MED6: variants seen among roughly 807,000 people sequenced by gnomAD.
MED6 encodes mediator complex subunit 6.
MED6 carries 33 observed loss-of-function variants against 37.5 expected under a neutral mutation model. The observed-to-expected ratio is 0.88, with a 90% CI of 0.67 to 1.18. The LOEUF is 1.18. Among genes scored for constraint, MED6 ranks in the 50% most tolerant of loss-of-function variants. The pLI is 0.00. For synonymous variants in MED6, 94 were observed against 93.6 expected (o/e 1.00, Z -0.02); for missense variants, 235 against 290.6 (o/e 0.81, Z 1.39).
chr14:70,595,721 C>T (rs1197501705), intron 3 of MED6: 1 of 739,490 alleles, frequency 1.4e-6, no homozygotes, highest in South Asian at 1.4e-5. Context: ...TTGGTGACGC[C>T]CTGGACAGCA....
At chr14:70,594,832 A>C (rs7156661) in intron 3 of MED6, 1 of 638,316 alleles carries the variant, frequency 1.6e-6, no homozygotes, top group South Asian at 1.4e-5. Flanking sequence ...TCAATGCCTG[A>C]CCTCCTACCT....
rs1884660033 is a variant in MED6 at position 70,584,930 on chromosome 14, CTTTG to C, written c.620_623del (p.Thr207ArgfsTer11). ...TTTCTGGTATAGGTTCTGCCTCTTT[CTTTG>C]TTTGATCCACTAGATATCAAAAGTA... On this transcript the variant is annotated frameshift_variant, in exon 8 of 8. Transcript: ENST00000256379. LOFTEE classifies it high-confidence loss of function. The C allele has an allele frequency of 3.1e-6, 5 of 1,613,678 alleles. No homozygotes were observed. Among genetic ancestry groups the C allele is most frequent in the Non-Finnish European group, 3.4e-6 (4 of 1,179,874 alleles).
At chr14:70,586,081 C>T (rs17108245) in intron 6 of MED6, among the ~76,000 whole-genome samples, 10,877 of 152,188 alleles carry the variant, frequency 0.071, 743 homozygotes, top group African/African-American at 0.19. Context: ...CACACCCAGG[C>T]TACAATGCTT....
chr14:70,585,539 T>C (rs1188258581), intron 7 of MED6, among the ~76,000 whole-genome samples: 1 of 149,084 alleles, frequency 6.7e-6, no homozygotes, highest in Non-Finnish European at 1.5e-5. Context: ...GTAAACTTCC[T>C]TAAAACATTA....
Position 70,597,707 on chromosome 14 carries a change from A to G in MED6, c.93T>C (p.Asp31=). 1 of 1,564,630 alleles carries G rather than the reference A, an allele frequency of 6.4e-7. No individual in the cohort carries two copies. Among genetic ancestry groups the G allele is most frequent in the Non-Finnish European group, 8.6e-7 (1 of 1,164,040 alleles). ...AAGGATTACTTCTTTCTGAAAAGTA[A>G]TCCAGGACACTACCACTGTTCAAAA... ...IPILNSGSVL[D]YFSERSNPFY... The change falls in exon 2 of 8, where the codon GAT becomes GAC. Residue 31 remains aspartate, a synonymous_variant. Coordinates refer to ENST00000256379, the MANE Select transcript of MED6 (RefSeq NM_005466.4).
Position 70,596,618 on chromosome 14 carries a change from AG to A in MED6, c.266del (p.Pro89LeufsTer7). 6.2e-7 allele frequency: 1 copy of A among 1,611,876 alleles called. No individual in the cohort carries two copies. The highest frequency in any genetic ancestry group is 8.5e-7 in the Non-Finnish European group (1 of 1,178,058). On this transcript the variant is annotated frameshift_variant, in exon 3 of 8. Transcript: ENST00000256379. LOFTEE classifies it high-confidence loss of function. Reference protein sequence around the residue: ...FIIRKQQRQSPAQVIPLADYY... With the variant: ...FIIRKQQRQSXAQVIPLADYY... ...AAAGTTTACACATTTTACCTTGGGC[AG>A]GGGACTGCCGCTGTTGCTTCCGAAT...
chr14:70,594,903 C>A (rs1452513029), intron 3 of MED6: 8 of 624,692 alleles, frequency 1.3e-5, no homozygotes, highest in African/African-American at 1.3e-4. Context: ...TCCAGGAGCA[C>A]CTGGATAAGA....
At chr14:70,597,865 G>A (rs918128443) in intron 1 of MED6, 88 bp from the exon 2 acceptor site, 17 of 1,072,978 alleles carry the variant, frequency 1.6e-5, no homozygotes, top group Non-Finnish European at 2.0e-5. Flanking sequence ...AAATGTAGTA[G>A]GCACTATGAA....
At position 70,584,763 on chromosome 14, in the gene MED6, G is replaced by T. The variant is rs945992914; in HGVS notation, c.*50C>A. On this transcript the variant is annotated 3_prime_UTR_variant, in exon 8 of 8. Coordinates refer to ENST00000256379, the MANE Select transcript of MED6 (RefSeq NM_005466.4). ...AAAGCTCAAGAGCCACAGTACTGAG[G>T]TATGATAACTAGCATGAGGAGTCTT... 3 of 1,592,456 alleles carry T rather than the reference G, an allele frequency of 1.9e-6. No individual in the cohort carries two copies. The highest frequency in any genetic ancestry group is 2.6e-6 in the Non-Finnish European group (3 of 1,171,122).
At chr14:70,588,649 G>A (rs1165306738) in intron 6 of MED6, among the ~76,000 whole-genome samples, 1 of 150,592 alleles carries the variant, frequency 6.6e-6, no homozygotes, top group African/African-American at 2.4e-5. Context: ...TCGTGCCACT[G>A]CACTCCAGCC....
intron 1 of MED6, 84 bp downstream of exon 1, chr14:70,600,532 A>T: frequency 6.7e-7 from 1 of 1,486,100 alleles, no homozygotes; most frequent in Non-Finnish European, 9.3e-7. Flanking sequence ...CACACAAAGG[A>T]ACCTAAACCT....
At chr14:70,589,954 T>G (rs1167764644) in intron 6 of MED6, among the ~76,000 whole-genome samples, 1 of 152,220 alleles carries the variant, frequency 6.6e-6, no homozygotes, top group Non-Finnish European at 1.5e-5. Context: ...AATTTTAAAT[T>G]TTCTTGTCAC....
intron 1 of MED6, among the ~76,000 whole-genome samples, chr14:70,599,723 T>G (rs898236543): frequency 1.4e-5 from 2 of 147,770 alleles, no homozygotes; most frequent in African/African-American, 5.0e-5. Context: ...TTTTATAAAC[T>G]AAATATTTCT....
rs1371301555 is a variant in MED6, at chr14:70,584,173, TTA to T, written c.*638_*639del. On this transcript the variant is annotated 3_prime_UTR_variant, in exon 8 of 8. Coordinates refer to ENST00000256379, the MANE Select transcript of MED6 (RefSeq NM_005466.4). ...TGCTTAGTTACTACTTTAACATCCTTTATGTCTTCAAAGTGCATCTGAAAAAT... is the reference window on the plus strand; with the variant it reads ...TGCTTAGTTACTACTTTAACATCCTTTGTCTTCAAAGTGCATCTGAAAAAT... 7 of 757,742 alleles carry T rather than the reference TTA, an allele frequency of 9.2e-6. No homozygotes were observed. The highest frequency in any genetic ancestry group is 1.7e-5 in the Non-Finnish European group (7 of 415,336). 46.9% of individuals were successfully genotyped at this position (757,742 alleles called of 1,614,324 possible).
At position 70,589,067 on chromosome 14, in the gene MED6, G is replaced by A. The variant is rs1365748127; in HGVS notation, c.582+2199C>T. On this transcript the variant is annotated intron_variant, in intron 6 of 7. Transcript: ENST00000256379. Reference sequence around the variant, plus strand: ...CAAATACAACAGCAAACTACCGAATGTTCTTTAGGTCGGTCAATGAAAACC... The same window carrying A: ...CAAATACAACAGCAAACTACCGAATATTCTTTAGGTCGGTCAATGAAAACC... Among the ~76,000 whole-genome samples, 6 of 152,064 alleles carry A rather than the reference G, an allele frequency of 3.9e-5. No homozygotes were observed. The East Asian group carries it at 9.6e-4, about 24-fold the overall frequency.
intron 1 of MED6, 100 bp from the exon 2 acceptor site, chr14:70,597,877 A>G (rs1480289980): frequency 2.1e-6 from 2 of 942,422 alleles, no homozygotes; most frequent in Non-Finnish European, 3.0e-6. Context: ...CACTATGAAT[A>G]TAAGGATGAC....
At chr14:70,593,268 A>T in intron 4 of MED6, 28 bp downstream of exon 4, 1 of 1,583,876 alleles carries the variant, frequency 6.3e-7, no homozygotes. Flanking sequence ...AGTTTTCTTT[A>T]GTGCTTAAAG....
intron 2 of MED6, among the ~76,000 whole-genome samples, chr14:70,597,182 C>T (rs1044134985): frequency 2.4e-4 from 37 of 152,164 alleles, no homozygotes; most frequent in African/African-American, 8.9e-4. Flanking sequence ...GTCTCAATAG[C>T]TGTATTTGCC....
intron 3 of MED6, chr14:70,595,572 G>A (rs1566677547): frequency 5.6e-6 from 4 of 710,518 alleles, no homozygotes; most frequent in East Asian, 5.8e-5. Flanking sequence ...GCTGTACCTG[G>A]AGTTGGAGCT....
Sources: gnomAD v4.1 joint callset for allele counts (sites outside exome capture counted in the v4.1 genomes callset) on GRCh38, gnomAD v4.1.1 for gene constraint, MANE v1.5 for transcripts, NCBI Gene and HGNC (gene_info 2026-07-23, HGNC 2026-07-21) for gene names.